Variants in GPR137B observed in about 807,000 individuals in gnomAD.
GPR137B encodes the protein G protein-coupled receptor 137B.
A neutral mutation model predicts 42.5 loss-of-function variants in GPR137B; 42 were observed. The observed-to-expected ratio is 0.99, with a 90% CI of 0.77 to 1.28. The LOEUF is 1.28. Among genes scored for constraint, GPR137B ranks in the 50% most tolerant of loss-of-function variants. The pLI, the probability that GPR137B is intolerant of heterozygous loss-of-function variation, is 0.00. For missense variants in GPR137B, 487 were observed against 493.9 expected (o/e 0.99, Z 0.13); for synonymous variants, 218 against 209.7 (o/e 1.04, Z -0.34).
At chr1:236,182,820 A>G (rs1035615783) in intron 4 of GPR137B, among the ~76,000 whole-genome samples, 5 of 152,152 alleles carry the variant, frequency 3.3e-5, no homozygotes, top group African/African-American at 4.8e-5. Context: ...TTCTATTTTT[A>G]TGGGATATTT....
In GPR137B at chr1:236,178,453, T is replaced by C; in HGVS notation, c.504T>C (p.Val168=). ...TGGCCTCCCTCTTCATCAGCCTTGT[T>C]TTCCTGTTGGTGAATTTAACCTGTG... ...LYLASLFISL[V]FLLVNLTCAV... is the part of the protein sequence containing the mutation. The change falls in exon 3 of 7, where the codon GTT becomes GTC. Residue 168 remains valine (V), a synonymous_variant. Transcript: ENST00000366592. 1 of 1,613,966 alleles carries C rather than the reference T, an allele frequency of 6.2e-7. No individual in the cohort carries two copies. The highest frequency in any genetic ancestry group is 1.1e-5 in the South Asian group (1 of 91,050).
At chr1:236,179,733 A>G in intron 3 of GPR137B, 146 bp from the exon 4 acceptor site, 1 of 583,208 alleles carries the variant, frequency 1.7e-6, no homozygotes, top group Non-Finnish European at 3.0e-6. Flanking sequence ...AAGGAGTGTG[A>G]AAAGGACTCT....
rs770504628 is a variant in GPR137B at position 236,183,830 on chromosome 1, T to C, written c.890T>C (p.Val297Ala). The change falls in exon 5 of 7, where the codon GTG becomes GCG. Residue 297 changes from valine to alanine, a missense_variant. By Grantham distance (64) the Val-to-Ala change is moderately conservative. Transcript: ENST00000366592. ...GDAGYVLFGVVLFVWELLPTT... is the reference protein window; with the variant it reads ...GDAGYVLFGVALFVWELLPTT... The stretch of plus-strand genomic sequence containing the variant: ...GCTGGATACGTATTATTTGGAGTGG[T>C]GTTATTTGTTTGGGAACTCTTACCT... The C allele has an allele frequency of 1.9e-6, 3 of 1,602,834 alleles. No homozygotes were observed. In the Admixed American group the frequency reaches 5.0e-5, roughly 27 times the overall value.
chr1:236,185,441 C>T (rs1662993809), intron 5 of GPR137B, among the ~76,000 whole-genome samples: 1 of 152,180 alleles, frequency 6.6e-6, no homozygotes. Flanking sequence ...TGTAAAGATT[C>T]TTAGGTCATG....
intron 1 of GPR137B, among the ~76,000 whole-genome samples, chr1:236,159,738 G>C (rs1169440350): frequency 1.3e-5 from 2 of 152,236 alleles, no homozygotes; most frequent in Non-Finnish European, 2.9e-5. Context: ...CTGCTCAAAG[G>C]CCTTTATGCT....
intron 2 of GPR137B, among the ~76,000 whole-genome samples, chr1:236,173,630 C>T (rs1259164663): frequency 1.3e-5 from 2 of 152,156 alleles, no homozygotes; most frequent in African/African-American, 4.8e-5. Flanking sequence ...ATGTGGTCTT[C>T]CCAGATGCTG....
chr1:236,166,891 A>G (rs1325268531), intron 1 of GPR137B, among the ~76,000 whole-genome samples: 1 of 151,954 alleles, frequency 6.6e-6, no homozygotes, highest in Non-Finnish European at 1.5e-5. Flanking sequence ...GGCCCAAGCG[A>G]TCCTCCCATT....
intron 1 of GPR137B, among the ~76,000 whole-genome samples, chr1:236,148,134 G>GT (rs1177186143): frequency 2.6e-5 from 4 of 152,236 alleles, no homozygotes; most frequent in Admixed American, 1.3e-4. Flanking sequence ...CACCATTTTA[G>GT]TGGGGACTTA....
In GPR137B at chr1:236,171,971, T is replaced by C. The variant is rs183158888; in HGVS notation, c.464+3216T>C. Among the ~76,000 whole-genome samples, 542 of 150,180 alleles carry C rather than the reference T, an allele frequency of 3.6e-3. 3 individuals carry two copies. Among genetic ancestry groups the C allele is most frequent in the African/African-American group, 0.013 (515 of 40,580 alleles). On this transcript the variant is annotated intron_variant, in intron 2 of 6. Transcript: ENST00000366592. The surrounding 1 kb of genome is among the most constrained non-coding windows in gnomAD (Gnocchi z 4.4). ...GGAGAATCACTTGAACCCAGGAGGT[T>C]GAGGTTGCAGTGAGCCGAGATTGTG...
chr1:236,149,454 T>C (rs1440518629), intron 1 of GPR137B, among the ~76,000 whole-genome samples: 1 of 152,206 alleles, frequency 6.6e-6, no homozygotes, highest in African/African-American at 2.4e-5. Flanking sequence ...GTCATAGTCC[T>C]CATTCTTGCT....
intron 4 of GPR137B, among the ~76,000 whole-genome samples, chr1:236,180,972 G>A (rs979091385): frequency 3.9e-5 from 6 of 152,114 alleles, no homozygotes; most frequent in Non-Finnish European, 8.8e-5. Flanking sequence ...TTATTAAAGG[G>A]TGACATTTGC....
chr1:236,155,428 G>A lies in GPR137B; in HGVS notation c.414+12392G>A, dbSNP rs1235544302. Among the ~76,000 whole-genome samples, 2 of 152,212 alleles carry A rather than the reference G, an allele frequency of 1.3e-5. No homozygotes were observed. The highest frequency in any genetic ancestry group is 2.9e-5 in the Non-Finnish European group (2 of 68,046). The stretch of plus-strand genomic sequence containing the variant: ...TGACCAGCCTCACCCCTGAATCCAG[G>A]TGCTCAGGGGACAAGAGACAATTCA... On this transcript the variant is annotated intron_variant, in intron 1 of 6. Transcript: ENST00000366592. The surrounding 1 kb of genome is among the most constrained non-coding windows in gnomAD (Gnocchi z 4.6).
At chr1:236,166,620 T>C (rs1469985482) in intron 1 of GPR137B, among the ~76,000 whole-genome samples, 1 of 150,790 alleles carries the variant, frequency 6.6e-6, no homozygotes, top group Non-Finnish European at 1.5e-5. Context: ...AAATAATTCT[T>C]CTAGAAGGTT....
At chr1:236,144,199 G>T (rs1012241419) in intron 1 of GPR137B, among the ~76,000 whole-genome samples, 5 of 152,010 alleles carry the variant, frequency 3.3e-5, no homozygotes, top group African/African-American at 1.2e-4. Flanking sequence ...AGGATCGCTT[G>T]TGTCCCTGAG....
Position 236,155,153 on chromosome 1 carries a change from G to A in GPR137B, c.414+12117G>A, listed in dbSNP as rs1231401019. Among the ~76,000 whole-genome samples the A allele has an allele frequency of 1.3e-5, 2 of 152,234 alleles. No individual in the cohort carries two copies. Among genetic ancestry groups the A allele is most frequent in the Admixed American group, 6.5e-5 (1 of 15,284 alleles). On this transcript the variant is annotated intron_variant, in intron 1 of 6. Transcript: ENST00000366592. This position sits in a 1 kb window ranked among gnomAD's most constrained non-coding sequence, Gnocchi z 4.6. ...GAGACGGACTCCACCCAGGCAGTGG[G>A]CAGGCGGGCAGGTCCGTGCGCTTCT... is the stretch of plus-strand genomic sequence containing the variant.
At chr1:236,174,580 T>C (rs1662630575) in intron 2 of GPR137B, among the ~76,000 whole-genome samples, 1 of 152,058 alleles carries the variant, frequency 6.6e-6, no homozygotes, top group Admixed American at 6.6e-5. Flanking sequence ...ACCTTGACAA[T>C]GGATTATATA....
chr1:236,207,766 A>T (rs1417511771), intron 6 of GPR137B, among the ~76,000 whole-genome samples: 1 of 152,174 alleles, frequency 6.6e-6, no homozygotes, highest in African/African-American at 2.4e-5. Flanking sequence ...TAGGATTCAG[A>T]TGCAGTTTGT....
chr1:236,189,628 G>T (rs1663132092), intron 5 of GPR137B, among the ~76,000 whole-genome samples: 1 of 152,162 alleles, frequency 6.6e-6, no homozygotes, highest in African/African-American at 2.4e-5. Flanking sequence ...GTGCAGTTTT[G>T]AGTGAGTTTC....
chr1:236,162,315 G>A (rs776914398), intron 1 of GPR137B, among the ~76,000 whole-genome samples: 2 of 152,144 alleles, frequency 1.3e-5, no homozygotes, highest in Non-Finnish European at 2.9e-5. Context: ...GGTGACTTCA[G>A]TACTCTTAAA....
Sources: gnomAD v4.1 joint callset for allele counts (sites outside exome capture counted in the v4.1 genomes callset) on GRCh38, gnomAD v4.1.1 for gene constraint, Gnocchi (gnomAD v3.1) non-coding constraint, MANE v1.5 for transcripts, NCBI Gene and HGNC (gene_info 2026-07-23, HGNC 2026-07-21) for gene names.